ARHGAP10: variants seen among roughly 807,000 people sequenced by gnomAD.
The protein encoded by ARHGAP10 is Rho GTPase activating protein 10, also known as rho GTPase-activating protein 10.
In ARHGAP10, 87 loss-of-function variants were observed where a neutral mutation model predicts 108.6. The ratio of observed to expected loss-of-function variants is 0.80; its 90% confidence interval spans 0.67 to 0.96. ARHGAP10 has a LOEUF of 0.96. Ranked by LOEUF, ARHGAP10 falls within the 40% of genes least tolerant of loss-of-function variation. The probability of loss-of-function intolerance (pLI) is 0.00; values close to 1 mark genes in which losing one functional copy is unlikely to be tolerated. For synonymous variants in ARHGAP10, 347 were observed against 341.1 expected (o/e 1.02, Z -0.19); for missense variants, 939 against 954.5 (o/e 0.98, Z 0.21).
chr4:148,057,432 A>C (rs1440800218), intron 20 of ARHGAP10, among the ~76,000 whole-genome samples: 1 of 152,224 alleles, frequency 6.6e-6, no homozygotes, highest in African/African-American at 2.4e-5. Context: ...AACAGGGTTT[A>C]CTAGAAACAT....
chr4:147,988,907 A>G (rs1304050015), intron 18 of ARHGAP10, among the ~76,000 whole-genome samples: 1 of 152,228 alleles, frequency 6.6e-6, no homozygotes, highest in Non-Finnish European at 1.5e-5. Context: ...GAGTTTGGCC[A>G]TGGAAGGTAT....
intron 19 of ARHGAP10, among the ~76,000 whole-genome samples, chr4:148,039,580 G>A (rs910414749): frequency 1.3e-5 from 2 of 151,582 alleles, no homozygotes; most frequent in Non-Finnish European, 2.9e-5. Flanking sequence ...GATTACAGGT[G>A]TGAGTCACCA....
intron 13 of ARHGAP10, among the ~76,000 whole-genome samples, chr4:147,934,908 A>G (rs914665236): frequency 6.6e-6 from 1 of 152,210 alleles, no homozygotes; most frequent in African/African-American, 2.4e-5. Context: ...AGAAGAAGGG[A>G]GTATCACTGT....
intron 12 of ARHGAP10, 54 bp downstream of exon 12, chr4:147,909,831 G>A (rs570044046): frequency 9.1e-5 from 139 of 1,534,788 alleles, no homozygotes; most frequent in Non-Finnish European, 1.2e-4. Flanking sequence ...CTATTACTTT[G>A]TGTACATTAT....
At position 147,946,748 on chromosome 4, in the gene ARHGAP10, A is replaced by G. The variant is rs759897748; in HGVS notation, c.1391+44A>G. The G allele has an allele frequency of 8.3e-6, 12 of 1,446,108 alleles. No individual in the cohort carries two copies. In the South Asian group the frequency reaches 1.3e-4, roughly 16 times the overall value. 89.6% of individuals were successfully genotyped at this position (1,446,108 alleles called of 1,614,324 possible). A position where few individuals can be genotyped will look rare whatever the true frequency, so the allele number is the denominator to read the frequency against. ...CAAGAAAGAAGAATGGACTATTTGG[A>G]TCTGTAACATAAAACAGATGCCAAT... On this transcript the variant is annotated intron_variant, in intron 15 of 22. Transcript: ENST00000336498.
At chr4:147,903,144 C>A (rs1736317931) in intron 10 of ARHGAP10, among the ~76,000 whole-genome samples, 1 of 152,170 alleles carries the variant, frequency 6.6e-6, no homozygotes, top group Admixed American at 6.5e-5. Context: ...GTGGCTGGAC[C>A]CCAGTCTGCC....
At chr4:147,747,834 GACTAA>G (rs1220089801) in intron 1 of ARHGAP10, among the ~76,000 whole-genome samples, 2 of 152,104 alleles carry the variant, frequency 1.3e-5, no homozygotes, top group Non-Finnish European at 2.9e-5. Flanking sequence ...GAAGACTGAA[GACTAA>G]AGACCTTTCT....
At chr4:148,060,805 G>C (rs1408691149) in intron 20 of ARHGAP10, among the ~76,000 whole-genome samples, 1 of 152,146 alleles carries the variant, frequency 6.6e-6, no homozygotes, top group Non-Finnish European at 1.5e-5. Context: ...AGTGTGGGAG[G>C]TAATCTTGGT....
At chr4:147,818,564 C>T (rs1226139374) in intron 1 of ARHGAP10, among the ~76,000 whole-genome samples, 2 of 44,958 alleles carry the variant, frequency 4.4e-5, no homozygotes, top group African/African-American at 1.1e-4. Context: ...GAAACTGTCA[C>T]CAAAAAAAAA....
Position 147,979,817 on chromosome 4 carries a change from T to C in ARHGAP10, c.1716+12978T>C, listed in dbSNP as rs902379128. Among the ~76,000 whole-genome samples, 9 of 152,224 alleles carry C rather than the reference T, an allele frequency of 5.9e-5. No homozygotes were observed. The East Asian group carries it at 7.7e-4, about 13-fold the overall frequency. Reference sequence around the variant, plus strand: ...GGCTATTGTAAATGGGATTGCATTCTTGATTTACTTCTCAGCTCAGATGTT... The same window carrying C: ...GGCTATTGTAAATGGGATTGCATTCCTGATTTACTTCTCAGCTCAGATGTT... On this transcript the variant is annotated intron_variant, in intron 18 of 22. Transcript: ENST00000336498.
chr4:147,768,058 T>C (rs1280813928), intron 1 of ARHGAP10, among the ~76,000 whole-genome samples: 1 of 152,240 alleles, frequency 6.6e-6, no homozygotes, highest in Non-Finnish European at 1.5e-5. Context: ...GGGATGACTT[T>C]TAAATATTTA....
At chr4:147,832,157 C>G (rs991187657) in intron 3 of ARHGAP10, among the ~76,000 whole-genome samples, 4 of 151,988 alleles carry the variant, frequency 2.6e-5, no homozygotes, top group Non-Finnish European at 5.9e-5. Flanking sequence ...ATTGTCTAAT[C>G]CAGAGGAGTG....
chr4:147,970,809 T>G (rs989933756), intron 18 of ARHGAP10, among the ~76,000 whole-genome samples: 5 of 152,164 alleles, frequency 3.3e-5, no homozygotes, highest in African/African-American at 1.2e-4. Context: ...AGATGTAGAC[T>G]GAGCATGGTG....
chr4:147,896,086 G>C (rs990120732), intron 10 of ARHGAP10, among the ~76,000 whole-genome samples: 1 of 152,120 alleles, frequency 6.6e-6, no homozygotes, highest in African/African-American at 2.4e-5. Flanking sequence ...TGATGTACTA[G>C]CTTTTTGTAC....
intron 9 of ARHGAP10, among the ~76,000 whole-genome samples, chr4:147,881,268 CAAA>C (rs58379522): frequency 7.6e-6 from 1 of 131,446 alleles, no homozygotes. Flanking sequence ...GCAAGACTGT[CAAA>C]AAAAAAAAAA....
chr4:147,984,992 T>C (rs1360993877), intron 18 of ARHGAP10, among the ~76,000 whole-genome samples: 1 of 152,178 alleles, frequency 6.6e-6, no homozygotes, highest in Non-Finnish European at 1.5e-5. Context: ...GGGTGGCTAC[T>C]AGGCACATAG....
At chr4:147,882,450 G>C (rs1735363189) in intron 10 of ARHGAP10, among the ~76,000 whole-genome samples, 1 of 111,292 alleles carries the variant, frequency 9.0e-6, no homozygotes. Context: ...GCGACAGAGT[G>C]AGACTCCGTT....
chr4:147,809,214 AAAAC>A (rs1731915004), intron 1 of ARHGAP10: 1 of 152,414 alleles, frequency 6.6e-6, no homozygotes, highest in Non-Finnish European at 1.5e-5. Flanking sequence ...GTCTCTATAA[AAAAC>A]AAAACACCAT....
chr4:147,860,864 C>T (rs1002604032), intron 5 of ARHGAP10: 2 of 152,176 alleles, frequency 1.3e-5, no homozygotes, highest in Non-Finnish European at 2.9e-5. Flanking sequence ...AGTAGTAAAA[C>T]GTATAGTGAT....
Sources: allele counts gnomAD v4.1 joint callset (sites outside exome capture counted in the v4.1 genomes callset), GRCh38; gene constraint gnomAD v4.1.1; transcripts MANE v1.5; gene names NCBI Gene and HGNC (gene_info 2026-07-23, HGNC 2026-07-21).